NRK: variants seen among roughly 807,000 people sequenced by gnomAD.
NRK encodes Nik related kinase.
A neutral mutation model predicts 125.2 loss-of-function variants in NRK; 67 were observed. That is an observed-to-expected ratio of 0.54 (90% CI 0.44 to 0.66). The LOEUF (loss-of-function observed/expected upper bound fraction) is 0.66, where lower values mean the gene tolerates loss of function less well. Ranked by LOEUF, NRK falls within the 30% of genes least tolerant of loss-of-function variation. NRK has a pLI of 0.00. For synonymous variants in NRK, 458 were observed against 429.0 expected, an observed-to-expected ratio of 1.07 and a Z score of -0.84; for missense variants, 1,224 against 1,192.9, an observed-to-expected ratio of 1.03 and a Z score of -0.38.
chrX:105,888,543 A>G, intron 5 of NRK, 124 bp downstream of exon 5: 1 of 582,322 alleles, frequency 1.7e-6, no homozygotes, highest in Non-Finnish European at 2.6e-6. Flanking sequence ...TTAAGGTAGT[A>G]TGGTGTATTA....
In NRK at chrX:105,899,294, G is replaced by A. The variant is rs1054964999; in HGVS notation, c.711+580G>A. On this transcript the variant is annotated intron_variant, in intron 8 of 28. Transcript: ENST00000243300. ...ATATATCCATGTACACATTTCAAAA[G>A]GTTGATGTGGAAAGAAAACTCTGCA... 2.7e-5 allele frequency among the ~76,000 whole-genome samples: 3 copies of A among 111,890 alleles called. No individual in the cohort carries two copies. In the South Asian group the frequency reaches 1.1e-3, roughly 41 times the overall value.
At chrX:105,855,218 AT>A (rs747605674) in intron 2 of NRK, among the ~76,000 whole-genome samples, 114 of 111,692 alleles carry the variant, frequency 1.0e-3, no homozygotes, top group African/African-American at 3.5e-3. Context: ...GTCCAAAAGG[AT>A]TTTTTATTCA....
intron 7 of NRK, among the ~76,000 whole-genome samples, 193 bp from the exon 8 acceptor site, chrX:105,898,391 C>T (rs58782018): frequency 1.2e-3 from 132 of 111,963 alleles, no homozygotes; most frequent in African/African-American, 3.9e-3. Context: ...TGCTGAGTCT[C>T]ATTCCAAAAT....
At chrX:105,839,622 A>G (rs1361584125) in intron 2 of NRK, among the ~76,000 whole-genome samples, 4 of 112,307 alleles carry the variant, frequency 3.6e-5, no homozygotes, top group Non-Finnish European at 7.5e-5. Context: ...CCATTCTGTA[A>G]TAAAAATTTA....
chrX:105,835,403 T>C (rs750875593), intron 2 of NRK, among the ~76,000 whole-genome samples: 6 of 110,998 alleles, frequency 5.4e-5, no homozygotes, highest in Non-Finnish European at 1.1e-4. Context: ...TGCCCTCCCC[T>C]AATGGTATAC....
intron 2 of NRK, among the ~76,000 whole-genome samples, chrX:105,858,645 T>C (rs983894871): frequency 1.8e-5 from 2 of 110,801 alleles, no homozygotes; most frequent in African/African-American, 6.6e-5. Context: ...TGCACTAGTA[T>C]CTGATTAAGC....
At chrX:105,888,199 C>T in intron 4 of NRK, 95 bp from the exon 5 acceptor site, 2 of 655,354 alleles carry the variant, frequency 3.1e-6, no homozygotes, top group African/African-American at 2.3e-5. Flanking sequence ...AATTAGTTGC[C>T]ATAGGATTCT....
intron 19 of NRK, among the ~76,000 whole-genome samples, chrX:105,927,499 G>C (rs987529694): frequency 9.0e-6 from 1 of 111,164 alleles, no homozygotes; most frequent in Non-Finnish European, 1.9e-5. Flanking sequence ...CTCTGATTAG[G>C]ACTTCCAGAA....
At chrX:105,871,459 T>C (rs1373485249) in intron 2 of NRK, among the ~76,000 whole-genome samples, 1 of 108,429 alleles carries the variant, frequency 9.2e-6, no homozygotes, top group Non-Finnish European at 1.9e-5. Context: ...TTGTTTGGTA[T>C]ATAAATTATC....
At chrX:105,923,534 A>G (rs1444756944) in intron 18 of NRK, 52 bp downstream of exon 18, 6 of 939,296 alleles carry the variant, frequency 6.4e-6, no homozygotes, top group Non-Finnish European at 8.4e-6. Context: ...CTGCAGAGCT[A>G]TTTGCATTTT....
intron 2 of NRK, among the ~76,000 whole-genome samples, chrX:105,831,932 T>C (rs2039198543): frequency 8.9e-6 from 1 of 111,936 alleles, no homozygotes; most frequent in Admixed American, 9.5e-5. Context: ...AGCATTTACA[T>C]TGAATTAAAT....
intron 2 of NRK, among the ~76,000 whole-genome samples, chrX:105,846,663 AAAC>A (rs760415940): frequency 9.0e-6 from 1 of 111,550 alleles, no homozygotes; most frequent in Admixed American, 9.5e-5. Flanking sequence ...ATAGAGCCAG[AAAC>A]AACGTCACCA....
At chrX:105,910,231 C>T (rs1369239861) in intron 13 of NRK, among the ~76,000 whole-genome samples, 1 of 111,821 alleles carries the variant, frequency 8.9e-6, no homozygotes, top group Non-Finnish European at 1.9e-5. Flanking sequence ...GATAACTCAT[C>T]AAAAATAAGC....
chrX:105,842,921 T>G, intron 2 of NRK, among the ~76,000 whole-genome samples: 1 of 111,811 alleles, frequency 8.9e-6, no homozygotes, highest in East Asian at 2.9e-4. Flanking sequence ...CTACAAGAAT[T>G]TTGCAAGCAG....
intron 21 of NRK, 57 bp from the exon 22 acceptor site, chrX:105,937,382 T>C (rs2040678787): frequency 1.2e-5 from 8 of 665,417 alleles, no homozygotes; most frequent in Non-Finnish European, 1.6e-5. Context: ...AATAGTAATA[T>C]AGATGCAATT....
rs749864252 is a variant in NRK at position 105,909,502 on chromosome X, C to G, written c.1861C>G (p.Gln621Glu). ...PVEGQTEGSP[Q>E]AQAWTLEPPQ... ...AGAGGGGCAAACTGAAGGATCACCTCAGGCACAGGCTTGGACACTAGAACC... is the reference window on the plus strand; with the variant it reads ...AGAGGGGCAAACTGAAGGATCACCTGAGGCACAGGCTTGGACACTAGAACC... Residue 621 changes from glutamine to glutamate, a missense_variant, in exon 13 of 29, where the codon CAG (glutamine) becomes GAG (glutamate). Coordinates refer to ENST00000243300, the MANE Select transcript of NRK (RefSeq NM_198465.4). 5.0e-6 allele frequency: 6 copies of G among 1,210,560 alleles called. No homozygotes were observed. The South Asian group carries it at 7.0e-5, about 14-fold the overall frequency.
intron 2 of NRK, among the ~76,000 whole-genome samples, chrX:105,837,855 A>T (rs1010864086): frequency 1.1e-4 from 12 of 111,412 alleles, no homozygotes; most frequent in Admixed American, 9.6e-5. Context: ...GGTACTTTTT[A>T]AAAAAAGTAA....
chrX:105,836,390 A>G lies in NRK; in HGVS notation c.123+5271A>G, dbSNP rs182259780. 2.7e-5 allele frequency among the ~76,000 whole-genome samples: 3 copies of G among 111,978 alleles called. No individual in the cohort carries two copies. The East Asian group carries it at 8.4e-4, about 31-fold the overall frequency. Reference sequence around the variant, plus strand: ...GATAGAGAACAATTTCTAACATCAGATCTTCCAAGTACAAACTTCCTTGTT... The same window carrying G: ...GATAGAGAACAATTTCTAACATCAGGTCTTCCAAGTACAAACTTCCTTGTT... On this transcript the variant is annotated intron_variant, in intron 2 of 28. Coordinates refer to ENST00000243300, the MANE Select transcript of NRK (RefSeq NM_198465.4).
Position 105,906,382 on chromosome X carries a change from C to CT in NRK, c.846-24dup, listed in dbSNP as rs779782135. 1.3e-4 allele frequency: 122 copies of CT among 975,575 alleles called. 1 individual carries two copies. The East Asian group carries it at 1.5e-3, about 12-fold the overall frequency. The allele number at this position is 975,575 out of a possible 1,213,427, so 80.4% of individuals were successfully genotyped here. A position where few individuals can be genotyped will look rare whatever the true frequency, so the allele number is the denominator to read the frequency against. ...AAGAGGTCTGACAGGACTGAGAACA[C>CT]TTTTTTTTCCTCTCTTTGACTCATT... On this transcript the variant is annotated intron_variant, in intron 10 of 28. Transcript: ENST00000243300.
Sources: allele counts gnomAD v4.1 joint callset (sites outside exome capture counted in the v4.1 genomes callset), GRCh38; gene constraint gnomAD v4.1.1; transcripts MANE v1.5; gene names NCBI Gene and HGNC (gene_info 2026-07-23, HGNC 2026-07-21).